Variants in DLGAP2 observed in about 807,000 individuals in gnomAD.
The protein encoded by DLGAP2 is DLG associated protein 2.
Under a neutral mutation model 100.3 loss-of-function variants are expected in DLGAP2, and 26 were observed. The observed-to-expected ratio is 0.26, with a 90% CI of 0.19 to 0.36. DLGAP2 has a LOEUF of 0.36. Among genes scored for constraint, DLGAP2 ranks in the 10% least tolerant of loss-of-function variants. The pLI is 1.00. For synonymous variants in DLGAP2, 886 were observed against 630.1 expected (o/e 1.41, Z -6.08); for missense variants, 1,858 against 1,453.2 (o/e 1.28, Z -4.53).
chr8:1,639,177 C>A (rs950373557), intron 8 of DLGAP2, among the ~76,000 whole-genome samples: 3 of 152,004 alleles, frequency 2.0e-5, no homozygotes, highest in Non-Finnish European at 4.4e-5. Context: ...CGGTCCAGAG[C>A]CATGGAGCCA....
chr8:815,071 T>G (rs1327688129), intron 1 of DLGAP2, among the ~76,000 whole-genome samples: 1 of 152,058 alleles, frequency 6.6e-6, no homozygotes, highest in Non-Finnish European at 1.5e-5. Flanking sequence ...CATTAGAAGC[T>G]AAAGAAGGAG....
intron 2 of DLGAP2, among the ~76,000 whole-genome samples, chr8:1,238,570 A>T (rs1232267233): frequency 1.3e-5 from 1 of 77,852 alleles, no homozygotes; most frequent in Non-Finnish European, 2.6e-5. Context: ...GTTCTCTCCC[A>T]TGGCGCCGTG....
intron 2 of DLGAP2, among the ~76,000 whole-genome samples, chr8:1,191,403 C>T (rs950146323): frequency 2.0e-5 from 3 of 152,248 alleles, no homozygotes; most frequent in East Asian, 3.9e-4. Context: ...ATCTCCTGAC[C>T]TTGTGATCTG....
chr8:1,509,099 G>T (rs565109933), intron 4 of DLGAP2, among the ~76,000 whole-genome samples: 13 of 152,200 alleles, frequency 8.5e-5, no homozygotes, highest in African/African-American at 3.1e-4. Flanking sequence ...TTGGGAGGCC[G>T]AGGCGGGCGG....
intron 4 of DLGAP2, among the ~76,000 whole-genome samples, chr8:1,534,809 C>T (rs74521709): frequency 0.013 from 1,951 of 152,166 alleles, 36 homozygotes; most frequent in African/African-American, 0.045. Context: ...TGTGTGTGCG[C>T]GTGATGTGTG....
At chr8:1,083,806 T>C (rs1803885327) in intron 2 of DLGAP2, among the ~76,000 whole-genome samples, 1 of 152,162 alleles carries the variant, frequency 6.6e-6, no homozygotes, top group South Asian at 2.1e-4. Flanking sequence ...TGAATGTACC[T>C]TAATGAAAAA....
intron 2 of DLGAP2, among the ~76,000 whole-genome samples, chr8:970,601 A>G (rs11783689): frequency 0.35 from 52,897 of 152,148 alleles, 10,917 homozygotes; most frequent in Admixed American, 0.51. Flanking sequence ...GAATAACACT[A>G]TATTGTTTGT....
intron 1 of DLGAP2, among the ~76,000 whole-genome samples, chr8:886,653 T>G (rs1024469062): frequency 1.3e-5 from 2 of 152,242 alleles, no homozygotes; most frequent in East Asian, 3.8e-4. Context: ...AGGAGCAGGT[T>G]GTTCAATTTC....
Position 1,354,612 on chromosome 8 carries a change from T to C in DLGAP2, c.106+95729T>C, listed in dbSNP as rs192040779. ...GAAGGTGGAAAGTCACGGATGATGCTGCGGATGAAGGTGGAAAGTCACGGA... is the reference window on the plus strand; with the variant it reads ...GAAGGTGGAAAGTCACGGATGATGCCGCGGATGAAGGTGGAAAGTCACGGA... On this transcript the variant is annotated intron_variant, in intron 3 of 14. Coordinates refer to ENST00000637795, the MANE Select transcript of DLGAP2 (RefSeq NM_001346810.2). Among the ~76,000 whole-genome samples the C allele has an allele frequency of 1.3e-4, 20 of 151,380 alleles. No individual in the cohort carries two copies. The East Asian group carries it at 3.5e-3, about 27-fold the overall frequency.
Position 1,702,379 on chromosome 8 carries a change from G to A in DLGAP2, c.*973G>A. ...GGTATCCTTAAAAAAAAACACACAC[G>A]AAAAACAAAAGTTTGCTTGTTTAAA... On this transcript the variant is annotated 3_prime_UTR_variant, in exon 15 of 15. Transcript: ENST00000637795. 1 of 151,654 alleles carries A rather than the reference G, an allele frequency of 6.6e-6. No homozygotes were observed. Among genetic ancestry groups the A allele is most frequent in the African/African-American group, 2.4e-5 (1 of 41,152 alleles). The allele number at this position is 151,654 out of a possible 1,614,324, so 9.4% of individuals were successfully genotyped here.
chr8:1,315,172 G>A (rs1447938408), intron 3 of DLGAP2, among the ~76,000 whole-genome samples: 11 of 152,184 alleles, frequency 7.2e-5, no homozygotes, highest in East Asian at 5.8e-4. Flanking sequence ...AATAACTTGC[G>A]ATAATTCCCA....
chr8:1,287,147 T>TGC (rs1799939726), intron 3 of DLGAP2, among the ~76,000 whole-genome samples: 1 of 133,114 alleles, frequency 7.5e-6, no homozygotes, highest in Non-Finnish European at 1.7e-5. Context: ...TGTGTGTGTG[T>TGC]GTGTGTGTGT....
In DLGAP2 at chr8:1,676,611, G is replaced by C; in HGVS notation, c.2281G>C (p.Glu761Gln). Residue 761 changes from glutamate to glutamine, a missense_variant, in exon 11 of 15, where the codon GAG becomes CAG. By Grantham distance (29) the Glu-to-Gln change is conservative. Transcript: ENST00000637795. The stretch of plus-strand genomic sequence containing the variant: ...CTCTGTCGGGGTGCAAGTGGAAGAT[G>C]AGAAGCGGTAACTCAGCCCCTCCTG... ...YHSVGVQVEDEKRHGRFKRSN... is the reference protein window; with the variant it reads ...YHSVGVQVEDQKRHGRFKRSN... The C allele has an allele frequency of 6.2e-7, 1 of 1,612,336 alleles. No individual in the cohort carries two copies. The highest frequency in any genetic ancestry group is 8.5e-7 in the Non-Finnish European group (1 of 1,179,282).
Position 1,550,101 on chromosome 8 carries a change from G to C in DLGAP2, c.1230+418G>C, listed in dbSNP as rs539106563. On this transcript the variant is annotated intron_variant, in intron 5 of 14. Transcript: ENST00000637795. ...AGTTCAGCTGTTTCAGATGCCACCC[G>C]TGAGAGGGACCATGTGGCCTCTATC... 1.5e-4 allele frequency among the ~76,000 whole-genome samples: 23 copies of C among 152,274 alleles called. No individual in the cohort carries two copies. The East Asian group carries it at 4.1e-3, about 27-fold the overall frequency.
chr8:1,327,640 C>T (rs1331936325), intron 3 of DLGAP2, among the ~76,000 whole-genome samples: 4 of 152,166 alleles, frequency 2.6e-5, no homozygotes, highest in Admixed American at 2.0e-4. Context: ...GTCAGGAGAT[C>T]GAGACCATCC....
chr8:1,007,423 G>A (rs989730835), intron 2 of DLGAP2, among the ~76,000 whole-genome samples: 1 of 152,212 alleles, frequency 6.6e-6, no homozygotes, highest in African/African-American at 2.4e-5. Context: ...TTGAATATTG[G>A]CCATCATGGC....
intron 2 of DLGAP2, among the ~76,000 whole-genome samples, chr8:968,383 G>A (rs150986520): frequency 3.9e-5 from 6 of 152,256 alleles, no homozygotes; most frequent in South Asian, 4.1e-4. Context: ...GAGCTGAAGT[G>A]ACTTATGGGG....
At chr8:1,082,075 C>T (rs1018065523) in intron 2 of DLGAP2, among the ~76,000 whole-genome samples, 6 of 152,140 alleles carry the variant, frequency 3.9e-5, no homozygotes, top group Non-Finnish European at 5.9e-5. Flanking sequence ...AGTGGCGAGT[C>T]GTGTGATGTC....
chr8:830,961 T>C (rs1264089119), intron 1 of DLGAP2, among the ~76,000 whole-genome samples: 1 of 151,138 alleles, frequency 6.6e-6, no homozygotes, highest in East Asian at 2.0e-4. Flanking sequence ...AGTGGCACAA[T>C]CTCAGCTCAC....
Sources: allele counts gnomAD v4.1 joint callset (sites outside exome capture counted in the v4.1 genomes callset), GRCh38; gene constraint gnomAD v4.1.1; transcripts MANE v1.5; gene names NCBI Gene and HGNC (gene_info 2026-07-23, HGNC 2026-07-21).